Variants in ARSB observed in about 807,000 individuals in gnomAD.
ARSB encodes arylsulfatase B.
ARSB carries 41 observed loss-of-function variants against 50.9 expected under a neutral mutation model. The observed-to-expected ratio is 0.81, with a 90% confidence interval of 0.63 to 1.04. ARSB has a LOEUF of 1.04. Among genes scored for constraint, ARSB ranks in the 50% least tolerant of loss-of-function variants. The pLI, the probability that ARSB is intolerant of heterozygous loss-of-function variation, is 0.00. For missense variants in ARSB, 672 were observed against 693.3 expected (o/e 0.97, Z 0.35); for synonymous variants, 269 against 284.8 (o/e 0.94, Z 0.56).
At chr5:78,907,670 G>A (rs1749123871) in intron 4 of ARSB, among the ~76,000 whole-genome samples, 1 of 152,156 alleles carries the variant, frequency 6.6e-6, no homozygotes, top group South Asian at 2.1e-4. Flanking sequence ...GCTTTGCGTG[G>A]ACTGCTCCTG....
chr5:78,854,635 G>A (rs76738409), intron 5 of ARSB, among the ~76,000 whole-genome samples: 3 of 116,344 alleles, frequency 2.6e-5, no homozygotes, highest in Non-Finnish European at 6.1e-5. Context: ...GTTTTCTCTT[G>A]TTTCTCTTTC....
chr5:78,954,371 A>G (rs1263153679), intron 4 of ARSB, among the ~76,000 whole-genome samples: 1 of 152,224 alleles, frequency 6.6e-6, no homozygotes, highest in African/African-American at 2.4e-5. Flanking sequence ...GGGAAGTTGC[A>G]CATGTAACAG....
intron 1 of ARSB, 81 bp downstream of exon 1, chr5:78,984,856 G>T: frequency 1.8e-6 from 2 of 1,140,596 alleles, no homozygotes; most frequent in South Asian, 4.3e-5. Context: ...AGCGCCCGCG[G>T]CCTCAAGGGC....
At chr5:78,891,967 C>G (rs1041346617) in intron 4 of ARSB, among the ~76,000 whole-genome samples, 9 of 152,080 alleles carry the variant, frequency 5.9e-5, no homozygotes, top group African/African-American at 1.9e-4. Context: ...TGGGCAAGTA[C>G]TCAATCTCTG....
intron 6 of ARSB, chr5:78,815,882 T>C (rs924734408): frequency 1.8e-5 from 25 of 1,418,340 alleles, no homozygotes; most frequent in Non-Finnish European, 2.3e-5. Context: ...TGGTAGTTTA[T>C]GGTTGATCTA....
intron 5 of ARSB, among the ~76,000 whole-genome samples, chr5:78,865,558 C>T (rs1468895805): frequency 1.3e-5 from 2 of 152,200 alleles, no homozygotes; most frequent in African/African-American, 2.4e-5. Flanking sequence ...TGAGAATCAA[C>T]ATTTGGCTCC....
chr5:78,969,253 T>C (rs560510650), intron 1 of ARSB, 61 bp from the exon 2 acceptor site: 142 of 1,568,810 alleles, frequency 9.1e-5, no homozygotes, highest in Non-Finnish European at 1.2e-4. Flanking sequence ...AACAAGCAGA[T>C]AAAATGGCCT....
At chr5:78,884,976 C>T (rs1294307605) in intron 5 of ARSB, 1 of 152,608 alleles carries the variant, frequency 6.6e-6, no homozygotes, top group African/African-American at 2.4e-5. Flanking sequence ...TCTATCACAA[C>T]ATACTTTTTT....
intron 4 of ARSB, among the ~76,000 whole-genome samples, chr5:78,954,934 G>C (rs1308313509): frequency 6.6e-6 from 1 of 152,172 alleles, no homozygotes. Flanking sequence ...CTTCTAGTTG[G>C]TGGGAGTTGT....
rs1267411454 is a variant in ARSB, at chr5:78,779,282, G to C, written c.*1115C>G. On this transcript the variant is annotated 3_prime_UTR_variant, in exon 8 of 8. Transcript: ENST00000264914. ...ACCTCAAAACAAGCAGTAAAACAGA[G>C]AATAAGAGGACTGTGGGTGTGCCCT... 2 of 152,102 alleles carry C rather than the reference G, an allele frequency of 1.3e-5. No individual in the cohort carries two copies. Among genetic ancestry groups the C allele is most frequent in the African/African-American group, 4.8e-5 (2 of 41,428 alleles). 9.4% of individuals were successfully genotyped at this position (152,102 alleles called of 1,614,324 possible).
At chr5:78,817,136 G>A in intron 6 of ARSB, 4 of 984,610 alleles carry the variant, frequency 4.1e-6, no homozygotes, top group Non-Finnish European at 4.8e-6. Flanking sequence ...GTTCTCTACT[G>A]GGAGAGATAA....
At chr5:78,781,285 T>G (rs746270367) in intron 7 of ARSB, among the ~76,000 whole-genome samples, 1 of 149,236 alleles carries the variant, frequency 6.7e-6, no homozygotes, top group Non-Finnish European at 1.5e-5. Flanking sequence ...CTTTCACCCC[T>G]GCTACAGTTA....
At chr5:78,921,304 CG>C (rs1271979013) in intron 4 of ARSB, among the ~76,000 whole-genome samples, 12 of 152,094 alleles carry the variant, frequency 7.9e-5, no homozygotes, top group Admixed American at 2.6e-4. Flanking sequence ...TGGGCACATG[CG>C]GCTAGAAATG....
chr5:78,943,159 T>G (rs1751023967), intron 4 of ARSB, among the ~76,000 whole-genome samples: 1 of 152,228 alleles, frequency 6.6e-6, no homozygotes, highest in Admixed American at 6.5e-5. Context: ...CCCTTTATTT[T>G]GAGCCTATGT....
intron 4 of ARSB, among the ~76,000 whole-genome samples, chr5:78,954,961 T>TG (rs913665453): frequency 2.0e-4 from 31 of 152,298 alleles, no homozygotes; most frequent in Admixed American, 7.8e-4. Context: ...AGAGGATGTC[T>TG]GGGTTGTAGA....
chr5:78,789,005 G>A (rs1749170303), intron 6 of ARSB, among the ~76,000 whole-genome samples: 1 of 152,080 alleles, frequency 6.6e-6, no homozygotes, highest in African/African-American at 2.4e-5. Context: ...GATTCCAATG[G>A]GTTCACCAAA....
chr5:78,867,050 G>T (rs1303678836), intron 5 of ARSB, among the ~76,000 whole-genome samples: 4 of 152,166 alleles, frequency 2.6e-5, no homozygotes, highest in African/African-American at 7.2e-5. Context: ...TCAAAGAAAG[G>T]GGTGACAGAC....
Position 78,780,659 on chromosome 5 carries a change from CAGCCT to C in ARSB, c.1337-2_1339del, listed in dbSNP as rs1561421435. 1 of 1,614,074 alleles carries C rather than the reference CAGCCT, an allele frequency of 6.2e-7. No homozygotes were observed. The highest frequency in any genetic ancestry group is 8.5e-7 in the Non-Finnish European group (1 of 1,179,988). On this transcript the variant is annotated splice_acceptor_variant and coding_sequence_variant, in exon 8 of 8. Transcript: ENST00000264914. LOFTEE classifies it high-confidence loss of function. ...AGACGGTGGAGGGAACCAGTAACCA[CAGCCT>C]AGCAAAGAAAACAAAACAGTTTACT... is the stretch of plus-strand genomic sequence containing the variant.
intron 4 of ARSB, among the ~76,000 whole-genome samples, chr5:78,953,324 G>T (rs1380409281): frequency 6.6e-6 from 1 of 152,262 alleles, no homozygotes; most frequent in Admixed American, 6.5e-5. Context: ...GGATACTGTA[G>T]TGGAGCCAGG....
Sources: allele counts gnomAD v4.1 joint callset (sites outside exome capture counted in the v4.1 genomes callset), GRCh38; gene constraint gnomAD v4.1.1; transcripts MANE v1.5; gene names NCBI Gene and HGNC (gene_info 2026-07-23, HGNC 2026-07-21).